Variants in SLC17A9 observed in about 807,000 individuals in gnomAD.
SLC17A9 encodes voltage-gated purine nucleotide uniporter SLC17A9.
In SLC17A9, 49 loss-of-function variants were observed where a neutral mutation model predicts 55.0. The observed-to-expected ratio is 0.89, with a 90% CI of 0.71 to 1.13. SLC17A9 has a LOEUF of 1.13. SLC17A9 is among the 50% of genes most tolerant of loss of function. The pLI is 0.00. For synonymous variants in SLC17A9, 256 were observed against 247.4 expected (o/e 1.03, Z -0.32); for missense variants, 526 against 569.3 (o/e 0.92, Z 0.77).
chr20:62,955,235 C>CGTT (rs1568910172), intron 1 of SLC17A9, among the ~76,000 whole-genome samples: 4 of 151,912 alleles, frequency 2.6e-5, no homozygotes, highest in Non-Finnish European at 5.9e-5. Flanking sequence ...GCAACCTCTG[C>CGTT]CTCCCAGGTT....
chr20:62,963,782 C>T (rs544825434), intron 7 of SLC17A9, 102 bp downstream of exon 7: 52 of 1,098,850 alleles, frequency 4.7e-5, no homozygotes, highest in South Asian at 3.1e-4. Context: ...GTGGAACCCT[C>T]GGCTCCTCCT....
chr20:62,958,178 T>C lies in SLC17A9; in HGVS notation c.397+598T>C, dbSNP rs901923663. On this transcript the variant is annotated intron_variant, in intron 3 of 12. Coordinates refer to ENST00000370351, the MANE Select transcript of SLC17A9 (RefSeq NM_022082.4). This position sits in a 1 kb window ranked among gnomAD's most constrained non-coding sequence, Gnocchi z 4.1. ...CCGTATGAGGGTGTACGTGTGGCCA[T>C]GTGTGTGCCTTCTGTAGGTGCACAC... Among the ~76,000 whole-genome samples the C allele has an allele frequency of 6.6e-6, 1 of 152,156 alleles. No individual in the cohort carries two copies. The highest frequency in any genetic ancestry group is 2.4e-5 in the African/African-American group (1 of 41,432).
At chr20:62,957,847 CTGTGCG>C (rs1295841273) in intron 3 of SLC17A9, among the ~76,000 whole-genome samples, 2 of 112,866 alleles carry the variant, frequency 1.8e-5, no homozygotes, top group African/African-American at 6.0e-5. Flanking sequence ...ATGCGTGCAC[CTGTGCG>C]TGTGCGTGTG....
intron 10 of SLC17A9, 31 bp downstream of exon 10, chr20:62,965,756 G>C: frequency 6.2e-7 from 1 of 1,604,462 alleles, no homozygotes; most frequent in Non-Finnish European, 8.5e-7. Context: ...CCACCAGAGC[G>C]CCGTGCTGCC....
chr20:62,957,970 ATGTT>A lies in SLC17A9; in HGVS notation c.397+394_397+397del, dbSNP rs537323869. Among the ~76,000 whole-genome samples the A allele has an allele frequency of 6.6e-3, 999 of 151,840 alleles. 9 individuals carry two copies. Among genetic ancestry groups the A allele is most frequent in the African/African-American group, 0.023 (956 of 41,368 alleles). On this transcript the variant is annotated intron_variant, in intron 3 of 12. Transcript: ENST00000370351. ...ACGTGTATGCAAGCAATGTGCATGT[ATGTT>A]TGTGCTTGTGCGTGTGCGTACGTAT... is the stretch of plus-strand genomic sequence containing the variant.
At chr20:62,959,537 G>T (rs1170760729) in intron 3 of SLC17A9, among the ~76,000 whole-genome samples, 1 of 152,226 alleles carries the variant, frequency 6.6e-6, no homozygotes, top group Non-Finnish European at 1.5e-5. Flanking sequence ...TTCGGGCAGA[G>T]CAGAGACGCC....
At chr20:62,959,508 C>G (rs993148786) in intron 3 of SLC17A9, among the ~76,000 whole-genome samples, 11 of 152,222 alleles carry the variant, frequency 7.2e-5, no homozygotes, top group Non-Finnish European at 1.5e-4. Context: ...CTGGCTTTGC[C>G]GTGTTTGTGC....
At chr20:62,966,960 A>T in intron 12 of SLC17A9, 2 of 598,616 alleles carry the variant, frequency 3.3e-6, no homozygotes, top group Non-Finnish European at 5.8e-6. Flanking sequence ...TGACTCACAG[A>T]TATGTTCCCA....
In SLC17A9 at chr20:62,957,287, C is replaced by T. The variant is rs533231695; in HGVS notation, c.258-154C>T. ...GCCGCTCCCCTGGAGTACCTGGTCTCCTCACGAGGCAGCTCTGGGGTCATG... is the reference window on the plus strand; with the variant it reads ...GCCGCTCCCCTGGAGTACCTGGTCTTCTCACGAGGCAGCTCTGGGGTCATG... On this transcript the variant is annotated intron_variant, in intron 2 of 12. Coordinates refer to ENST00000370351, the MANE Select transcript of SLC17A9 (RefSeq NM_022082.4). The T allele has an allele frequency of 9.1e-6, 9 of 985,398 alleles. No homozygotes were observed. In the South Asian group the frequency reaches 3.8e-4, roughly 41 times the overall value. The allele number at this position is 985,398 out of a possible 1,614,324, so 61.0% of individuals were successfully genotyped here.
chr20:62,953,222 C>G (rs1271439850), intron 1 of SLC17A9: 1 of 1,550,336 alleles, frequency 6.5e-7, no homozygotes. Flanking sequence ...TGGAACCACC[C>G]TGTGTATGCA....
chr20:62,966,910 C>T, intron 12 of SLC17A9, 178 bp downstream of exon 12: 1 of 741,946 alleles, frequency 1.3e-6, no homozygotes, highest in Non-Finnish European at 2.1e-6. Flanking sequence ...TTCCACTGGA[C>T]TTTGCTGACG....
At position 62,954,122 on chromosome 20, in the gene SLC17A9, C is replaced by T. The variant is rs532019413; in HGVS notation, c.59+1233C>T. On this transcript the variant is annotated intron_variant, in intron 1 of 12. Coordinates refer to ENST00000370351, the MANE Select transcript of SLC17A9 (RefSeq NM_022082.4). ...CCAGGCTCGATGTTTAAAAAGGAGC[C>T]CTTGCCGCAGCCTTCACTACGTCCC... is the stretch of plus-strand genomic sequence containing the variant. 7.6e-5 allele frequency among the ~76,000 whole-genome samples: 9 copies of T among 118,220 alleles called. No homozygotes were observed. The South Asian group carries it at 2.3e-3, about 31-fold the overall frequency. 77.6% of individuals were successfully genotyped at this position (118,220 alleles called of 152,430 possible).
In SLC17A9 at chr20:62,962,865, G is replaced by C; in HGVS notation, c.628+111G>C. ...GCAGGAGCCCGGAGACGATGGCTTT[G>C]ACCTCCCAAAGAATCCGCCAGTGAG... On this transcript the variant is annotated intron_variant, in intron 5 of 12. Coordinates refer to ENST00000370351, the MANE Select transcript of SLC17A9 (RefSeq NM_022082.4). The surrounding 1 kb of genome is among the most constrained non-coding windows in gnomAD (Gnocchi z 5.5). 6.8e-7 allele frequency: 1 copy of C among 1,473,052 alleles called. No homozygotes were observed. The highest frequency in any genetic ancestry group is 2.1e-5 in the Admixed American group (1 of 47,414). The allele number at this position is 1,473,052 out of a possible 1,614,324, so 91.2% of individuals were successfully genotyped here. A position where few individuals can be genotyped will look rare whatever the true frequency, so the allele number is the denominator to read the frequency against.
intron 3 of SLC17A9, 30 bp downstream of exon 3, chr20:62,957,610 C>T: frequency 6.7e-7 from 1 of 1,496,800 alleles, no homozygotes; most frequent in Non-Finnish European, 8.9e-7. Flanking sequence ...CTCCCTCACG[C>T]TCTCTGGCAC....
chr20:62,964,255 T>G lies in SLC17A9; in HGVS notation c.850T>G (p.Leu284Val). 1 of 1,614,132 alleles carries G rather than the reference T, an allele frequency of 6.2e-7. No individual in the cohort carries two copies. Among genetic ancestry groups the G allele is most frequent in the Non-Finnish European group, 8.5e-7 (1 of 1,179,992 alleles). Residue 284 changes from leucine to valine, a missense_variant, in exon 8 of 13, where the codon TTG becomes GTG. Physicochemically the swap from Leu to Val is conservative, Grantham distance 32. Coordinates refer to ENST00000370351, the MANE Select transcript of SLC17A9 (RefSeq NM_022082.4). Reference sequence around the variant, plus strand: ...CTGGATCTTCAACGTGGTTCCTTGGTTGGTGGCGATTCCGGCCAGTCTATT... The same window carrying G: ...CTGGATCTTCAACGTGGTTCCTTGGGTGGTGGCGATTCCGGCCAGTCTATT... ...KGWIFNVVPW[L>V]VAIPASLFSG... is the part of the protein sequence containing the mutation.
rs1351074577 is a variant in SLC17A9 at position 62,963,680 on chromosome 20, G to C, written c.822G>C (p.Lys274Asn). The change falls in exon 7 of 13, where the codon AAG (lysine) becomes AAC (asparagine). Residue 274 changes from lysine (K) to asparagine (N), a missense_variant and splice_region_variant. Physicochemically the swap from Lys to Asn is moderately conservative, Grantham distance 94. Coordinates refer to ENST00000370351, the MANE Select transcript of SLC17A9 (RefSeq NM_022082.4). ...TFFEETFPDA[K>N]GWIFNVVPWL... The stretch of plus-strand genomic sequence containing the variant: ...TCGAGGAGACCTTCCCCGACGCCAA[G>C]GTGAGTCGGGGGCTCCCGCAGGGTG... The C allele has an allele frequency of 1.3e-6, 2 of 1,584,522 alleles. No individual in the cohort carries two copies. The highest frequency in any genetic ancestry group is 2.3e-5 in the East Asian group (1 of 43,824).
intron 1 of SLC17A9, among the ~76,000 whole-genome samples, chr20:62,956,276 T>C (rs1331162327): frequency 1.3e-5 from 2 of 152,160 alleles, no homozygotes; most frequent in East Asian, 1.9e-4. Context: ...CCTGCCCCTC[T>C]GTCCACAGCA....
intron 4 of SLC17A9, among the ~76,000 whole-genome samples, chr20:62,961,318 C>T (rs1431404363): frequency 7.7e-6 from 1 of 129,128 alleles, no homozygotes; most frequent in African/African-American, 2.9e-5. Flanking sequence ...CAGGGTGGGC[C>T]TATCAGCTGG....
chr20:62,965,383 T>TGAGCTTGCCCACGTC (rs2065626315), intron 9 of SLC17A9, among the ~76,000 whole-genome samples: 1 of 152,242 alleles, frequency 6.6e-6, no homozygotes, highest in African/African-American at 2.4e-5. Context: ...GGCCCAGGCC[T>TGAGCTTGCCCACGTC]GAGCTTGCCC....
Sources: gnomAD v4.1 joint callset for allele counts (sites outside exome capture counted in the v4.1 genomes callset) on GRCh38, gnomAD v4.1.1 for gene constraint, Gnocchi (gnomAD v3.1) non-coding constraint, MANE v1.5 for transcripts, NCBI Gene and HGNC (gene_info 2026-07-23, HGNC 2026-07-21) for gene names.